Variants in RPS6KC1 observed in about 807,000 individuals in gnomAD.
The protein encoded by RPS6KC1 is ribosomal protein S6 kinase C1, also known as inactive ribosomal protein S6 kinase delta-1.
Under a neutral mutation model 103.8 loss-of-function variants are expected in RPS6KC1, and 54 were observed. The ratio of observed to expected loss-of-function variants is 0.52; its 90% CI spans 0.42 to 0.65. The LOEUF (loss-of-function observed/expected upper bound fraction) is 0.65. RPS6KC1 is among the 30% of genes least tolerant of loss of function. The pLI is 0.00. For synonymous variants in RPS6KC1, 439 were observed against 438.7 expected (o/e 1.00, Z -0.01); for missense variants, 1,151 against 1,253.8 (o/e 0.92, Z 1.24).
the RPS6KC1 span, among the ~76,000 whole-genome samples, chr1:213,382,169 A>C: frequency 6.6e-6 from 1 of 152,124 alleles, no homozygotes; most frequent in South Asian, 2.1e-4. Context: ...CCTCCAGCAA[A>C]TAAGAATACG....
rs139519708 is a variant in RPS6KC1 at position 213,234,248 on chromosome 1, C to T, written c.1225+1993C>T. The stretch of plus-strand genomic sequence containing the variant: ...TTGGTCTTAAACTCCTGGCCTCAAG[C>T]GATTCTCCTGCCTCAGCCTCCCAAA... On this transcript the variant is annotated intron_variant, in intron 10 of 14. Transcript: ENST00000366960. Among the ~76,000 whole-genome samples, 868 of 152,102 alleles carry T rather than the reference C, an allele frequency of 5.7e-3. 11 individuals carry two copies. The highest frequency in any genetic ancestry group is 0.017 in the African/African-American group (723 of 41,486).
chr1:213,128,369 A>G (rs1376002298), intron 5 of RPS6KC1, among the ~76,000 whole-genome samples: 2 of 152,200 alleles, frequency 1.3e-5, no homozygotes, highest in African/African-American at 4.8e-5. Context: ...TATTTTATAC[A>G]TTTCTAGACT....
chr1:213,526,168 G>A, the RPS6KC1 span, among the ~76,000 whole-genome samples: 1 of 152,186 alleles, frequency 6.6e-6, no homozygotes, highest in East Asian at 1.9e-4. Context: ...TGGGGGAAAT[G>A]CAGGTAGATG....
chr1:213,251,266 C>T (rs1029137553), intron 12 of RPS6KC1, among the ~76,000 whole-genome samples: 2 of 152,032 alleles, frequency 1.3e-5, no homozygotes, highest in African/African-American at 4.8e-5. Context: ...ACCACCATGC[C>T]CTGGCTAATT....
At chr1:213,311,558 T>G in the RPS6KC1 span, among the ~76,000 whole-genome samples, 1 of 152,094 alleles carries the variant, frequency 6.6e-6, no homozygotes, top group East Asian at 1.9e-4. Flanking sequence ...GTCAGACTTG[T>G]AGTGGGAAGA....
the RPS6KC1 span, among the ~76,000 whole-genome samples, chr1:213,386,126 G>T: frequency 6.6e-6 from 1 of 152,166 alleles, no homozygotes; most frequent in African/African-American, 2.4e-5. Flanking sequence ...TCTCACTCCA[G>T]TCATTCCCTG....
intron 1 of RPS6KC1, among the ~76,000 whole-genome samples, chr1:213,056,962 G>C (rs1292051231): frequency 1.4e-5 from 2 of 145,808 alleles, no homozygotes; most frequent in Admixed American, 7.0e-5. Flanking sequence ...ATTCTTTTTT[G>C]AGAGTCTCAC....
At chr1:213,583,975 C>G in the RPS6KC1 span, among the ~76,000 whole-genome samples, 1 of 152,128 alleles carries the variant, frequency 6.6e-6, no homozygotes, top group African/African-American at 2.4e-5. Flanking sequence ...CCACCCAAAT[C>G]TCATCTTGAA....
chr1:213,602,029 T>C, the RPS6KC1 span, among the ~76,000 whole-genome samples: 17 of 6,816 alleles, frequency 2.5e-3, 5 homozygotes, highest in African/African-American at 4.8e-3. Context: ...TCTTTCTTTC[T>C]CTTTCTCTTT....
the RPS6KC1 span, among the ~76,000 whole-genome samples, chr1:213,604,749 A>G: frequency 6.6e-6 from 1 of 152,178 alleles, no homozygotes; most frequent in African/African-American, 2.4e-5. Context: ...TAGACTCACC[A>G]AATCCTTAGA....
chr1:213,457,710 A>G, the RPS6KC1 span, among the ~76,000 whole-genome samples: 1 of 152,236 alleles, frequency 6.6e-6, no homozygotes, highest in Non-Finnish European at 1.5e-5. Context: ...TTAATTGGCA[A>G]CAGAATGGTT....
chr1:213,668,304 G>A, the RPS6KC1 span, among the ~76,000 whole-genome samples: 1 of 151,490 alleles, frequency 6.6e-6, no homozygotes, highest in African/African-American at 2.4e-5. Flanking sequence ...TAGCAGGCAT[G>A]GAAACAATAT....
chr1:213,338,250 C>G, the RPS6KC1 span, among the ~76,000 whole-genome samples: 4 of 152,178 alleles, frequency 2.6e-5, no homozygotes, highest in South Asian at 4.2e-4. Flanking sequence ...CTTCACTCCC[C>G]CTTATGTGAT....
At chr1:213,217,087 G>A (rs891374009) in intron 8 of RPS6KC1, among the ~76,000 whole-genome samples, 4 of 151,644 alleles carry the variant, frequency 2.6e-5, no homozygotes, top group Non-Finnish European at 5.9e-5. Flanking sequence ...CCAGGAGCTG[G>A]CTTTTTGAAA....
At chr1:213,511,178 T>C in the RPS6KC1 span, among the ~76,000 whole-genome samples, 1 of 124,700 alleles carries the variant, frequency 8.0e-6, no homozygotes, top group Admixed American at 7.5e-5. Context: ...TGTTGAGGAA[T>C]GTCTTTTTTT....
At chr1:213,658,433 G>C in the RPS6KC1 span, among the ~76,000 whole-genome samples, 3 of 152,182 alleles carry the variant, frequency 2.0e-5, no homozygotes, top group East Asian at 5.8e-4. Flanking sequence ...GGGGCAGAAG[G>C]AGGATCAAAG....
chr1:213,239,614 A>G (rs2094305330), intron 10 of RPS6KC1, among the ~76,000 whole-genome samples: 1 of 152,162 alleles, frequency 6.6e-6, no homozygotes, highest in East Asian at 1.9e-4. Context: ...TACCCTTGGC[A>G]TATGATGCTT....
At chr1:213,404,276 T>G in the RPS6KC1 span, among the ~76,000 whole-genome samples, 2 of 152,096 alleles carry the variant, frequency 1.3e-5, no homozygotes, top group Non-Finnish European at 2.9e-5. Context: ...AGGAAGTTCT[T>G]TGAGCAAGGA....
At chr1:213,621,614 G>A in the RPS6KC1 span, among the ~76,000 whole-genome samples, 25 of 152,292 alleles carry the variant, frequency 1.6e-4, no homozygotes, top group African/African-American at 5.5e-4. Flanking sequence ...AGAATTGTGA[G>A]TTTAGACTGA....
Sources: gnomAD v4.1 joint callset for allele counts (sites outside exome capture counted in the v4.1 genomes callset) on GRCh38, gnomAD v4.1.1 for gene constraint, MANE v1.5 for transcripts, NCBI Gene and HGNC (gene_info 2026-07-23, HGNC 2026-07-21) for gene names.